VKORC1L1: variants seen among roughly 807,000 people sequenced by gnomAD.
The protein encoded by VKORC1L1 is vitamin K epoxide reductase complex subunit 1-like protein 1.
Under a neutral mutation model 18.9 loss-of-function variants are expected in VKORC1L1, and 2 were observed. The ratio of observed to expected loss-of-function variants is 0.11; its 90% CI spans 0.04 to 0.33. The LOEUF (loss-of-function observed/expected upper bound fraction) is 0.33. Ranked by LOEUF, VKORC1L1 falls within the 10% of genes least tolerant of loss-of-function variation. The probability of loss-of-function intolerance (pLI) is 1.00; values close to 1 mark genes in which losing one functional copy is unlikely to be tolerated. For missense variants in VKORC1L1, 123 were observed against 224.1 expected (o/e 0.55, Z 2.88); for synonymous variants, 96 against 100.0 (o/e 0.96, Z 0.24).
At chr7:65,907,230 C>T (rs1376341391) in intron 1 of VKORC1L1, among the ~76,000 whole-genome samples, 1 of 152,098 alleles carries the variant, frequency 6.6e-6, no homozygotes, top group Non-Finnish European at 1.5e-5. Flanking sequence ...CATCTGAAGT[C>T]AGGAGTTCGA....
intron 1 of VKORC1L1, among the ~76,000 whole-genome samples, chr7:65,923,194 A>G (rs1355913693): frequency 6.6e-6 from 1 of 152,058 alleles, no homozygotes; most frequent in African/African-American, 2.4e-5. Flanking sequence ...TTGAGCCCTG[A>G]CGTTCAAGAC....
chr7:65,914,840 C>CA (rs1220618145), intron 1 of VKORC1L1, among the ~76,000 whole-genome samples: 1 of 151,944 alleles, frequency 6.6e-6, no homozygotes, highest in Non-Finnish European at 1.5e-5. Context: ...TCTGTCACTA[C>CA]AAAAAATAAC....
intron 1 of VKORC1L1, among the ~76,000 whole-genome samples, chr7:65,937,722 G>C (rs1323421362): frequency 6.6e-6 from 1 of 152,118 alleles, no homozygotes; most frequent in East Asian, 1.9e-4. Flanking sequence ...CTGACACTCA[G>C]ATTTTTAATG....
At chr7:65,877,762 CTA>C (rs1483898528) in intron 1 of VKORC1L1, among the ~76,000 whole-genome samples, 2 of 152,158 alleles carry the variant, frequency 1.3e-5, no homozygotes, top group Non-Finnish European at 2.9e-5. Context: ...CTTGACAAAT[CTA>C]TGTTTCTTAA....
At chr7:65,952,321 C>G (rs1790224607) in intron 2 of VKORC1L1, among the ~76,000 whole-genome samples, 1 of 152,228 alleles carries the variant, frequency 6.6e-6, no homozygotes, top group African/African-American at 2.4e-5. Flanking sequence ...AAAGCAGTCA[C>G]AGACATTACG....
intron 1 of VKORC1L1, among the ~76,000 whole-genome samples, chr7:65,897,495 T>C (rs1413483400): frequency 6.6e-6 from 1 of 152,148 alleles, no homozygotes; most frequent in East Asian, 1.9e-4. Context: ...ATTTACACAA[T>C]GGGATATTAT....
At chr7:65,915,633 G>GTT (rs34639789) in intron 1 of VKORC1L1, among the ~76,000 whole-genome samples, 8 of 143,324 alleles carry the variant, frequency 5.6e-5, no homozygotes, top group Non-Finnish European at 7.6e-5. Context: ...AAAGAAACCA[G>GTT]TTTTTTTTTT....
intron 1 of VKORC1L1, among the ~76,000 whole-genome samples, chr7:65,890,363 C>T (rs183939841): frequency 0.023 from 3,519 of 152,204 alleles, 66 homozygotes; most frequent in Admixed American, 0.039. Flanking sequence ...TATCTCCTGA[C>T]CTCGTGATCC....
intron 1 of VKORC1L1, among the ~76,000 whole-genome samples, chr7:65,899,726 G>A (rs1242125719): frequency 2.0e-5 from 3 of 152,144 alleles, no homozygotes; most frequent in African/African-American, 4.8e-5. Context: ...CATACCAGAC[G>A]TGGTGGCTCA....
chr7:65,877,226 T>G (rs1225293628), intron 1 of VKORC1L1, among the ~76,000 whole-genome samples: 2 of 152,270 alleles, frequency 1.3e-5, no homozygotes, highest in Non-Finnish European at 2.9e-5. Context: ...TTGTACATAC[T>G]TGTTTATATG....
intron 1 of VKORC1L1, among the ~76,000 whole-genome samples, chr7:65,901,065 T>A (rs754738678): frequency 6.6e-6 from 1 of 151,968 alleles, no homozygotes; most frequent in Non-Finnish European, 1.5e-5. Context: ...GATTCAAGAA[T>A]CAGAAATGAT....
chr7:65,877,638 G>A (rs1251510975), intron 1 of VKORC1L1, among the ~76,000 whole-genome samples: 1 of 152,168 alleles, frequency 6.6e-6, no homozygotes, highest in East Asian at 1.9e-4. Context: ...ATCAGCCACC[G>A]TGTCCAGCTG....
intron 1 of VKORC1L1, among the ~76,000 whole-genome samples, chr7:65,906,242 C>T (rs1789404151): frequency 6.6e-6 from 1 of 151,926 alleles, no homozygotes; most frequent in Non-Finnish European, 1.5e-5. Context: ...CGAGACCAGC[C>T]TGGTGCCAGT....
chr7:65,941,796 C>T (rs1790039027), intron 1 of VKORC1L1, among the ~76,000 whole-genome samples: 1 of 150,562 alleles, frequency 6.6e-6, no homozygotes, highest in South Asian at 2.1e-4. Flanking sequence ...CTGCCTCAGC[C>T]TCCCAAGTAG....
intron 1 of VKORC1L1, among the ~76,000 whole-genome samples, chr7:65,907,720 A>T (rs1789428947): frequency 6.6e-6 from 1 of 152,164 alleles, no homozygotes. Flanking sequence ...TAGGCTAATG[A>T]TCTACAGATC....
At chr7:65,884,836 C>T (rs886655349) in intron 1 of VKORC1L1, among the ~76,000 whole-genome samples, 4 of 152,110 alleles carry the variant, frequency 2.6e-5, no homozygotes, top group African/African-American at 9.7e-5. Flanking sequence ...AATGGTTTCA[C>T]ATTTAAAAAA....
intron 1 of VKORC1L1, among the ~76,000 whole-genome samples, chr7:65,907,834 C>G: frequency 6.6e-6 from 1 of 151,932 alleles, no homozygotes; most frequent in South Asian, 2.1e-4. Context: ...TTTTACTCAG[C>G]TGGTTAACCT....
At chr7:65,925,938 G>A (rs35058610) in intron 1 of VKORC1L1, among the ~76,000 whole-genome samples, 18,858 of 151,874 alleles carry the variant, frequency 0.12, 1,319 homozygotes, top group Middle Eastern at 0.21. Flanking sequence ...GAGGCTGGTG[G>A]AAATGATTTT....
intron 1 of VKORC1L1, among the ~76,000 whole-genome samples, chr7:65,874,114 T>A (rs530758538): frequency 6.6e-6 from 1 of 152,156 alleles, no homozygotes; most frequent in Admixed American, 6.5e-5. Context: ...GGCCTCTTTG[T>A]ACTCCAGCGC....
Sources: gnomAD v4.1 joint callset for allele counts (sites outside exome capture counted in the v4.1 genomes callset) on GRCh38, gnomAD v4.1.1 for gene constraint, MANE v1.5 for transcripts, NCBI Gene and HGNC (gene_info 2026-07-23, HGNC 2026-07-21) for gene names.